MTHFS: variants seen among roughly 807,000 people sequenced by gnomAD.
MTHFS encodes 5-formyltetrahydrofolate cyclo-ligase.
MTHFS carries 7 observed loss-of-function variants against 12.7 expected under a neutral mutation model. That is an observed-to-expected ratio of 0.55 (90% CI 0.31 to 1.03). The LOEUF (loss-of-function observed/expected upper bound fraction) is 1.03, where lower values mean the gene tolerates loss of function less well. Among genes scored for constraint, MTHFS ranks in the 50% least tolerant of loss-of-function variants. The probability of loss-of-function intolerance (pLI) is 0.05; values close to 1 mark genes in which losing one functional copy is unlikely to be tolerated. For synonymous variants in MTHFS, 100 were observed against 97.1 expected (o/e 1.03, Z -0.18); for missense variants, 252 against 258.1 (o/e 0.98, Z 0.16).
At chr15:79,868,852 A>G (rs1888929358) in intron 2 of MTHFS, among the ~76,000 whole-genome samples, 1 of 152,256 alleles carries the variant, frequency 6.6e-6, no homozygotes, top group Non-Finnish European at 1.5e-5. Context: ...AATTCATTAT[A>G]ATAAAGCTCC....
At chr15:79,867,970 C>A (rs185120080) in intron 2 of MTHFS, among the ~76,000 whole-genome samples, 1 of 152,114 alleles carries the variant, frequency 6.6e-6, no homozygotes, top group African/African-American at 2.4e-5. Context: ...AGATCACACA[C>A]GTGAGAGTGA....
chr15:79,845,476 A>G (rs1432888270), intron 2 of MTHFS, 34 bp from the exon 3 acceptor site: 3 of 1,597,426 alleles, frequency 1.9e-6, no homozygotes, highest in Non-Finnish European at 2.6e-6. Context: ...AAGAGGATTA[A>G]TTGTTTCTGA....
chr15:79,851,453 A>T (rs2033715537), intron 2 of MTHFS, among the ~76,000 whole-genome samples: 1 of 152,182 alleles, frequency 6.6e-6, no homozygotes, highest in South Asian at 2.1e-4. Flanking sequence ...CCAAGGAGTG[A>T]CTTGTTCAGA....
intron 1 of MTHFS, among the ~76,000 whole-genome samples, chr15:79,893,474 G>A (rs1187311718): frequency 4.0e-5 from 6 of 151,708 alleles, no homozygotes; most frequent in Admixed American, 2.0e-4. Flanking sequence ...CGAGGCAGGC[G>A]GATCACGAGG....
At chr15:79,857,973 G>A (rs766958384) in intron 2 of MTHFS, among the ~76,000 whole-genome samples, 17 of 133,008 alleles carry the variant, frequency 1.3e-4, no homozygotes, top group African/African-American at 4.2e-4. Flanking sequence ...CCAAGATTGC[G>A]CCACTGCACT....
intron 2 of MTHFS, among the ~76,000 whole-genome samples, chr15:79,883,265 C>A (rs2034327053): frequency 6.6e-6 from 1 of 152,164 alleles, no homozygotes; most frequent in Admixed American, 6.5e-5. Flanking sequence ...TTTAATGTGT[C>A]CCTGTGTACA....
At chr15:79,895,078 A>G (rs1237636962) in intron 1 of MTHFS, among the ~76,000 whole-genome samples, 1 of 152,184 alleles carries the variant, frequency 6.6e-6, no homozygotes, top group Non-Finnish European at 1.5e-5. Flanking sequence ...CAATCGACCT[A>G]CAAGAGTGAT....
chr15:79,877,390 T>C (rs902351440), intron 2 of MTHFS: 2 of 151,074 alleles, frequency 1.3e-5, no homozygotes, highest in Middle Eastern at 3.4e-3. Context: ...ATAAATCCCA[T>C]ATAGGATAAA....
intron 2 of MTHFS, among the ~76,000 whole-genome samples, chr15:79,873,541 T>A (rs915715194): frequency 6.6e-6 from 1 of 151,742 alleles, no homozygotes; most frequent in South Asian, 2.1e-4. Context: ...AAGAAATCAG[T>A]GAAAATCCTC....
intron 2 of MTHFS, among the ~76,000 whole-genome samples, chr15:79,850,867 T>A (rs1222428693): frequency 6.6e-6 from 1 of 152,144 alleles, no homozygotes; most frequent in Non-Finnish European, 1.5e-5. Context: ...GACAGAAGTA[T>A]TAGGCTCTGA....
intron 2 of MTHFS, among the ~76,000 whole-genome samples, chr15:79,852,631 C>A (rs1185943067): frequency 1.3e-5 from 2 of 152,132 alleles, no homozygotes; most frequent in African/African-American, 2.4e-5. Context: ...CTATAAAATT[C>A]TTTCTTTTAA....
intron 2 of MTHFS, among the ~76,000 whole-genome samples, chr15:79,884,072 C>T (rs1414564884): frequency 6.6e-6 from 1 of 152,216 alleles, no homozygotes; most frequent in African/African-American, 2.4e-5. Flanking sequence ...GACATTTTCT[C>T]ATTTAAACTC....
At chr15:79,848,317 T>C (rs992609748) in intron 2 of MTHFS, among the ~76,000 whole-genome samples, 1 of 152,252 alleles carries the variant, frequency 6.6e-6, no homozygotes, top group Admixed American at 6.5e-5. Flanking sequence ...GAACAGAATG[T>C]AGAATGATGG....
At chr15:79,846,134 A>G (rs1227655499) in intron 2 of MTHFS, among the ~76,000 whole-genome samples, 4 of 152,180 alleles carry the variant, frequency 2.6e-5, no homozygotes, top group Non-Finnish European at 5.9e-5. Context: ...TCAGGGTGGG[A>G]GGCAGGGTCC....
intron 1 of MTHFS, 141 bp downstream of exon 1, chr15:79,896,731 G>C: frequency 1.0e-6 from 1 of 962,980 alleles, no homozygotes; most frequent in Non-Finnish European, 1.3e-6. Flanking sequence ...CGCGCGCCGG[G>C]AGGGGAAACG....
chr15:79,860,975 T>G (rs970150620), intron 2 of MTHFS, among the ~76,000 whole-genome samples: 1 of 152,192 alleles, frequency 6.6e-6, no homozygotes, highest in African/African-American at 2.4e-5. Flanking sequence ...ATCTCCATCT[T>G]GTGTTCCCAG....
In MTHFS at chr15:79,888,971, A is replaced by C. The variant is rs1271837735; in HGVS notation, c.379+122T>G. On this transcript the variant is annotated intron_variant, in intron 2 of 2. Coordinates refer to ENST00000258874, the MANE Select transcript of MTHFS (RefSeq NM_006441.4). ...AGGTAATACAGGTGTCTTGGAACGT[A>C]GGCAAAATACAAATTAATCCCTTAC... The C allele has an allele frequency of 7.0e-6, 10 of 1,431,024 alleles. No individual in the cohort carries two copies. The African/African-American group carries it at 1.0e-4, about 14-fold the overall frequency. 88.6% of individuals were successfully genotyped at this position (1,431,024 alleles called of 1,614,324 possible). A position where few individuals can be genotyped will look rare whatever the true frequency, so the allele number is the denominator to read the frequency against.
chr15:79,866,641 AT>A (rs1319686228), intron 2 of MTHFS, among the ~76,000 whole-genome samples: 1 of 151,966 alleles, frequency 6.6e-6, no homozygotes, highest in Non-Finnish European at 1.5e-5. Flanking sequence ...CTTCCAAAAC[AT>A]TTTTTTCTTA....
intron 1 of MTHFS, among the ~76,000 whole-genome samples, chr15:79,893,844 A>G (rs761623643): frequency 2.0e-5 from 3 of 152,252 alleles, no homozygotes; most frequent in Admixed American, 6.5e-5. Flanking sequence ...GGGAATCAAG[A>G]TATGACATAA....
Sources: allele counts gnomAD v4.1 joint callset (sites outside exome capture counted in the v4.1 genomes callset), GRCh38; gene constraint gnomAD v4.1.1; transcripts MANE v1.5; gene names NCBI Gene and HGNC (gene_info 2026-07-23, HGNC 2026-07-21).